Variants in GRIN2A observed in about 807,000 individuals in gnomAD.
The protein encoded by GRIN2A is glutamate ionotropic receptor NMDA type subunit 2A.
GRIN2A carries 22 observed loss-of-function variants against 113.4 expected under a neutral mutation model. The observed-to-expected ratio is 0.19, with a 90% CI of 0.14 to 0.28. The LOEUF (loss-of-function observed/expected upper bound fraction) is 0.28. GRIN2A is among the 10% of genes least tolerant of loss of function. The pLI, the probability that GRIN2A is intolerant of heterozygous loss-of-function variation, is 1.00. For missense variants in GRIN2A, 1,502 were observed against 1,887.0 expected (o/e 0.80, Z 3.78); for synonymous variants, 827 against 738.4 (o/e 1.12, Z -1.94).
chr16:9,852,630 C>T (rs1175622792), intron 4 of GRIN2A, among the ~76,000 whole-genome samples: 1 of 152,178 alleles, frequency 6.6e-6, no homozygotes, highest in African/African-American at 2.4e-5. Context: ...GGAGCTGAAG[C>T]TGCTGTGTCA....
intron 2 of GRIN2A, among the ~76,000 whole-genome samples, chr16:10,134,214 AAAATG>A (rs2049138737): frequency 7.3e-6 from 1 of 136,392 alleles, no homozygotes; most frequent in African/African-American, 2.7e-5. Flanking sequence ...AAAAAAAAAA[AAAATG>A]GAGAGGAGAG....
chr16:9,850,805 G>A (rs1404200095), intron 4 of GRIN2A, among the ~76,000 whole-genome samples: 2 of 152,064 alleles, frequency 1.3e-5, no homozygotes, highest in African/African-American at 4.8e-5. Flanking sequence ...AGCAGCAGTC[G>A]GCATCTTAGT....
At chr16:9,790,990 T>G (rs1291625669) in intron 11 of GRIN2A, among the ~76,000 whole-genome samples, 1 of 152,228 alleles carries the variant, frequency 6.6e-6, no homozygotes. Flanking sequence ...ATCTAATGTG[T>G]GCCAGGCATG....
intron 7 of GRIN2A, among the ~76,000 whole-genome samples, chr16:9,839,060 A>T (rs2042628711): frequency 6.6e-6 from 1 of 152,220 alleles, no homozygotes. Context: ...GAAATTTTTT[A>T]AAAATTATAC....
intron 2 of GRIN2A, among the ~76,000 whole-genome samples, chr16:10,088,570 G>A (rs568789841): frequency 6.6e-5 from 10 of 152,346 alleles, no homozygotes; most frequent in Non-Finnish European, 8.8e-5. Context: ...TGGGGAACAT[G>A]CAGTTCTTTA....
chr16:10,060,310 G>C (rs1470944705), intron 2 of GRIN2A, among the ~76,000 whole-genome samples: 2 of 152,148 alleles, frequency 1.3e-5, no homozygotes, highest in Non-Finnish European at 2.9e-5. Flanking sequence ...CCACATGCCG[G>C]GGTCTGTGCT....
intron 2 of GRIN2A, among the ~76,000 whole-genome samples, chr16:10,130,165 A>G (rs2049031998): frequency 6.6e-6 from 1 of 152,220 alleles, no homozygotes; most frequent in Admixed American, 6.5e-5. Flanking sequence ...TCAAGGTTAC[A>G]TGGCTGGGAA....
At chr16:10,071,579 T>G (rs546057342) in intron 2 of GRIN2A, among the ~76,000 whole-genome samples, 1 of 152,124 alleles carries the variant, frequency 6.6e-6, no homozygotes, top group Non-Finnish European at 1.5e-5. Flanking sequence ...GCTGTGCCTA[T>G]AGAAAGGGAT....
At chr16:9,983,072 T>G (rs935038080) in intron 2 of GRIN2A, among the ~76,000 whole-genome samples, 2 of 152,238 alleles carry the variant, frequency 1.3e-5, no homozygotes, top group African/African-American at 4.8e-5. Context: ...CAAGGCAAGG[T>G]AATTAGCTTA....
intron 2 of GRIN2A, among the ~76,000 whole-genome samples, chr16:9,989,058 T>TA (rs1258233322): frequency 1.3e-5 from 2 of 152,104 alleles, no homozygotes; most frequent in African/African-American, 2.4e-5. Flanking sequence ...TGCCTCAAAA[T>TA]AAAAAATATA....
At chr16:10,136,904 G>A (rs770250540) in intron 2 of GRIN2A, among the ~76,000 whole-genome samples, 2 of 152,238 alleles carry the variant, frequency 1.3e-5, no homozygotes, top group Admixed American at 6.5e-5. Flanking sequence ...AAAGAGAAGT[G>A]AGACAGGGAA....
intron 2 of GRIN2A, among the ~76,000 whole-genome samples, chr16:9,963,202 T>C (rs941492220): frequency 1.3e-5 from 2 of 149,926 alleles, no homozygotes; most frequent in East Asian, 2.1e-4. Context: ...CACACCAACA[T>C]GGCACATGTA....
At chr16:10,141,368 G>C (rs1051333635) in intron 2 of GRIN2A, among the ~76,000 whole-genome samples, 1 of 152,056 alleles carries the variant, frequency 6.6e-6, no homozygotes, top group African/African-American at 2.4e-5. Context: ...TGTGCCTGTA[G>C]TCCCAGCTAC....
chr16:9,822,549 T>C, intron 9 of GRIN2A, 125 bp from the exon 10 acceptor site: 1 of 722,250 alleles, frequency 1.4e-6, no homozygotes, highest in Non-Finnish European at 2.5e-6. Flanking sequence ...ATGCATGCAT[T>C]AGGGCAGGAT....
At chr16:9,986,978 A>G (rs935405553) in intron 2 of GRIN2A, among the ~76,000 whole-genome samples, 1 of 152,114 alleles carries the variant, frequency 6.6e-6, no homozygotes, top group Non-Finnish European at 1.5e-5. Context: ...GTTTCCTTCC[A>G]GCACCACTGA....
intron 2 of GRIN2A, among the ~76,000 whole-genome samples, chr16:10,044,731 A>C (rs1191961497): frequency 6.6e-6 from 1 of 151,258 alleles, no homozygotes; most frequent in African/African-American, 2.4e-5. Context: ...CTGTGTTCCT[A>C]CAACAGTTAT....
At chr16:9,922,471 T>G (rs2141585204) in intron 3 of GRIN2A, among the ~76,000 whole-genome samples, 1 of 152,318 alleles carries the variant, frequency 6.6e-6, no homozygotes, top group East Asian at 1.9e-4. Flanking sequence ...GAATGTGGCT[T>G]GCCTGAGAAT....
chr16:9,852,584 G>T (rs1418933618), intron 4 of GRIN2A, among the ~76,000 whole-genome samples: 1 of 152,200 alleles, frequency 6.6e-6, no homozygotes, highest in African/African-American at 2.4e-5. Context: ...AGCCAAGGAG[G>T]TTGAAGATGA....
At chr16:10,074,549 A>G (rs577337845) in intron 2 of GRIN2A, among the ~76,000 whole-genome samples, 1 of 152,382 alleles carries the variant, frequency 6.6e-6, no homozygotes, top group African/African-American at 2.4e-5. Context: ...TTATACACCC[A>G]TAAAAAGGAA....
Sources: gnomAD v4.1 joint callset for allele counts (sites outside exome capture counted in the v4.1 genomes callset) on GRCh38, gnomAD v4.1.1 for gene constraint, MANE v1.5 for transcripts, NCBI Gene and HGNC (gene_info 2026-07-23, HGNC 2026-07-21) for gene names.